The following KCNAB1 variants were observed in gnomAD, a reference collection of about 807,000 sequenced individuals.
KCNAB1 encodes the protein potassium voltage-gated channel subfamily A regulatory beta subunit 1.
Under a neutral mutation model 64.6 loss-of-function variants are expected in KCNAB1, and 35 were observed. The ratio of observed to expected loss-of-function variants is 0.54; its 90% CI spans 0.41 to 0.72. The LOEUF (loss-of-function observed/expected upper bound fraction) is 0.72. Among genes scored for constraint, KCNAB1 ranks in the 30% least tolerant of loss-of-function variants. The probability of loss-of-function intolerance (pLI) is 0.00; values close to 1 mark genes in which losing one functional copy is unlikely to be tolerated. For missense variants in KCNAB1, 401 were observed against 512.9 expected, an observed-to-expected ratio of 0.78 and a Z score of 2.11; for synonymous variants, 177 against 183.8, an observed-to-expected ratio of 0.96 and a Z score of 0.30.
intron 1 of KCNAB1, among the ~76,000 whole-genome samples, chr3:156,265,780 G>T (rs1718667755): frequency 6.6e-6 from 1 of 152,102 alleles, no homozygotes. Flanking sequence ...GGATCACGAG[G>T]TCAGGAGATT....
rs560476727 is a variant in KCNAB1, at chr3:156,436,788, G to T, written c.319+15129G>T. ...GTTTATTGTTTCTTCTTGTAAATTT[G>T]TTTAAATTGCTTGTAGACTCTGGAT... is the stretch of plus-strand genomic sequence containing the variant. On this transcript the variant is annotated intron_variant, in intron 2 of 13. Transcript: ENST00000490337. Among the ~76,000 whole-genome samples, 7 of 152,254 alleles carry T rather than the reference G, an allele frequency of 4.6e-5. No homozygotes were observed. In the South Asian group the frequency reaches 1.5e-3, roughly 32 times the overall value.
intron 1 of KCNAB1, among the ~76,000 whole-genome samples, chr3:156,383,493 A>C (rs1482581624): frequency 6.6e-6 from 1 of 152,178 alleles, no homozygotes; most frequent in African/African-American, 2.4e-5. Context: ...TTTGCCCAGA[A>C]TTATCCCAGT....
At chr3:156,414,362 T>C (rs1714905375) in intron 1 of KCNAB1, among the ~76,000 whole-genome samples, 1 of 152,226 alleles carries the variant, frequency 6.6e-6, no homozygotes, top group African/African-American at 2.4e-5. Context: ...TCAAAATATG[T>C]AAAAACCAAA....
chr3:156,294,238 ATAGT>A (rs1720640712), intron 1 of KCNAB1, among the ~76,000 whole-genome samples: 1 of 152,192 alleles, frequency 6.6e-6, no homozygotes. Flanking sequence ...ACAACTAAAG[ATAGT>A]TCTCTAACAA....
intron 1 of KCNAB1, among the ~76,000 whole-genome samples, chr3:156,256,048 C>T (rs1211807413): frequency 6.6e-6 from 1 of 152,186 alleles, no homozygotes; most frequent in African/African-American, 2.4e-5. Context: ...TTTTCTTCCA[C>T]ATTAGATTCT....
chr3:156,402,174 AAAG>A (rs1418779298), intron 1 of KCNAB1, among the ~76,000 whole-genome samples: 1 of 152,088 alleles, frequency 6.6e-6, no homozygotes, highest in Non-Finnish European at 1.5e-5. Flanking sequence ...AGAGAAAAGA[AAAG>A]AAAAAGTGTT....
chr3:156,522,928 T>TA (rs1283796603), intron 11 of KCNAB1, among the ~76,000 whole-genome samples: 2 of 152,232 alleles, frequency 1.3e-5, no homozygotes, highest in African/African-American at 4.8e-5. Context: ...CTAACACTCT[T>TA]ACAAATACTC....
intron 1 of KCNAB1, among the ~76,000 whole-genome samples, chr3:156,275,330 A>G (rs1023716288): frequency 5.9e-5 from 9 of 152,238 alleles, no homozygotes; most frequent in Non-Finnish European, 1.3e-4. Flanking sequence ...ATATCTGAGC[A>G]TTCAGTGAGT....
At chr3:156,225,502 A>G (rs1299374708) in intron 1 of KCNAB1, among the ~76,000 whole-genome samples, 1 of 152,204 alleles carries the variant, frequency 6.6e-6, no homozygotes, top group Admixed American at 6.5e-5. Context: ...TCCCCCTGAG[A>G]ACTGGAACAA....
intron 7 of KCNAB1, among the ~76,000 whole-genome samples, chr3:156,468,352 CGT>C (rs374488333): frequency 4.0e-5 from 6 of 150,990 alleles, no homozygotes; most frequent in Non-Finnish European, 3.0e-5. Flanking sequence ...TGTGTGCATG[CGT>C]GTGTGTGTGT....
chr3:156,354,902 T>C (rs1725133632), intron 1 of KCNAB1, among the ~76,000 whole-genome samples: 1 of 152,224 alleles, frequency 6.6e-6, no homozygotes, highest in South Asian at 2.1e-4. Context: ...TGTGACCTTA[T>C]TAAGAATACT....
intron 1 of KCNAB1, among the ~76,000 whole-genome samples, chr3:156,393,698 A>G (rs1403506353): frequency 1.3e-5 from 2 of 152,234 alleles, no homozygotes. Flanking sequence ...CAGCCAGTAT[A>G]TGACAGATTA....
At chr3:156,484,381 G>A (rs573983354) in intron 8 of KCNAB1, among the ~76,000 whole-genome samples, 61 of 152,198 alleles carry the variant, frequency 4.0e-4, no homozygotes, top group African/African-American at 1.4e-3. Flanking sequence ...GAGAGAGAGA[G>A]AGGGAGAACA....
At chr3:156,176,410 T>A (rs1712372781) in intron 1 of KCNAB1, 1 of 784,464 alleles carries the variant, frequency 1.3e-6, no homozygotes, top group Non-Finnish European at 2.4e-6. Context: ...CCATCGTCAC[T>A]GCTAGTGCAA....
intron 8 of KCNAB1, among the ~76,000 whole-genome samples, chr3:156,501,355 A>G (rs1161950946): frequency 2.0e-5 from 3 of 151,942 alleles, no homozygotes; most frequent in Non-Finnish European, 2.9e-5. Flanking sequence ...AACTTTACTG[A>G]AAGACATTAT....
intron 1 of KCNAB1, among the ~76,000 whole-genome samples, chr3:156,188,387 A>G (rs1438603954): frequency 6.6e-6 from 1 of 152,114 alleles, no homozygotes; most frequent in African/African-American, 2.4e-5. Flanking sequence ...AGAAACCAGT[A>G]TTATACTATA....
At position 156,257,417 on chromosome 3, in the gene KCNAB1, A is replaced by G. The variant is rs140223664; in HGVS notation, c.275+136531A>G. Among the ~76,000 whole-genome samples the G allele has an allele frequency of 3.1e-3, 465 of 152,310 alleles. 4 individuals carry two copies. The highest frequency in any genetic ancestry group is 9.9e-3 in the African/African-American group (412 of 41,576). ...TTCTCCTTTAAAAAGAGAATTTTAT[A>G]ATAAAAAGGAACTGGAGAACCTGAA... On this transcript the variant is annotated intron_variant, in intron 1 of 13. Coordinates refer to ENST00000490337, the MANE Select transcript of KCNAB1 (RefSeq NM_172160.3).
chr3:156,301,831 T>G (rs1721173842), intron 1 of KCNAB1, among the ~76,000 whole-genome samples: 2 of 152,158 alleles, frequency 1.3e-5, no homozygotes, highest in South Asian at 4.1e-4. Flanking sequence ...AGCAGGACCT[T>G]CCGTGGGTTC....
intron 5 of KCNAB1, among the ~76,000 whole-genome samples, chr3:156,462,061 A>G (rs1286555892): frequency 6.6e-6 from 1 of 152,234 alleles, no homozygotes; most frequent in African/African-American, 2.4e-5. Context: ...CAGTTCATGA[A>G]GTGTCATGCT....
Sources: allele counts gnomAD v4.1 joint callset (sites outside exome capture counted in the v4.1 genomes callset), GRCh38; gene constraint gnomAD v4.1.1; transcripts MANE v1.5; gene names NCBI Gene and HGNC (gene_info 2026-07-23, HGNC 2026-07-21).